Variants in SMIM41 observed in about 807,000 individuals in gnomAD.
The protein encoded by SMIM41 is small integral membrane protein 41.
At chr12:52,091,489 T>C (rs1940003525) in intron 2 of SMIM41, among the ~76,000 whole-genome samples, 1 of 152,252 alleles carries the variant, frequency 6.6e-6, no homozygotes, top group African/African-American at 2.4e-5. Flanking sequence ...AAGGTGGATG[T>C]GTCTGCTTCT....
chr12:52,091,552 C>T (rs997190502), intron 2 of SMIM41, among the ~76,000 whole-genome samples: 2 of 152,140 alleles, frequency 1.3e-5, no homozygotes, highest in Non-Finnish European at 2.9e-5. Context: ...CTTCCCTGCC[C>T]GAGCCATCTG....
chr12:52,106,632 G>A (rs1420320984), intron 2 of SMIM41, among the ~76,000 whole-genome samples: 3 of 152,162 alleles, frequency 2.0e-5, no homozygotes, highest in African/African-American at 4.8e-5. Flanking sequence ...GTGAGCCACC[G>A]CGTTTGGCCA....
chr12:52,091,292 C>T (rs768702974), intron 2 of SMIM41, among the ~76,000 whole-genome samples: 1 of 152,232 alleles, frequency 6.6e-6, no homozygotes, highest in Non-Finnish European at 1.5e-5. Flanking sequence ...TCAGCCTGAG[C>T]CTCTGCTCTT....
At chr12:52,095,433 G>A (rs1408892241) in intron 2 of SMIM41, among the ~76,000 whole-genome samples, 3 of 151,974 alleles carry the variant, frequency 2.0e-5, no homozygotes, top group South Asian at 2.1e-4. Flanking sequence ...TGTCTTCTCC[G>A]CCTCTGGAAA....
At chr12:52,100,992 T>C (rs940984620) in intron 2 of SMIM41, among the ~76,000 whole-genome samples, 12 of 152,172 alleles carry the variant, frequency 7.9e-5, no homozygotes, top group Non-Finnish European at 1.6e-4. Flanking sequence ...TAATGAAGTA[T>C]TATTCAGCCT....
chr12:52,093,222 C>A (rs1036592109), intron 2 of SMIM41, among the ~76,000 whole-genome samples: 5 of 152,102 alleles, frequency 3.3e-5, no homozygotes, highest in African/African-American at 1.2e-4. Context: ...AAACAAAAAA[C>A]CCCACACATT....
intron 2 of SMIM41, among the ~76,000 whole-genome samples, chr12:52,099,790 T>G (rs2120709199): frequency 6.7e-6 from 1 of 150,136 alleles, no homozygotes; most frequent in Admixed American, 6.9e-5. Flanking sequence ...TCTTTTTCCC[T>G]GGATACTATG....
chr12:52,096,511 CATTAAT>C (rs1393581316), intron 2 of SMIM41, among the ~76,000 whole-genome samples: 2 of 151,696 alleles, frequency 1.3e-5, no homozygotes, highest in Admixed American at 6.6e-5. Context: ...TTATTATTAA[CATTAAT>C]ATTAAGTACC....
chr12:52,098,926 CA>C (rs1252853735), intron 2 of SMIM41, among the ~76,000 whole-genome samples: 17 of 151,830 alleles, frequency 1.1e-4, no homozygotes, highest in Non-Finnish European at 2.2e-4. Context: ...TATTGAGAGT[CA>C]TATCATCCTC....
intron 2 of SMIM41, among the ~76,000 whole-genome samples, chr12:52,085,564 T>C (rs1939880904): frequency 6.6e-6 from 1 of 152,234 alleles, no homozygotes; most frequent in South Asian, 2.1e-4. Context: ...GGACATTGGC[T>C]TTAAGCCTCT....
At chr12:52,104,083 A>G (rs1400796452) in intron 2 of SMIM41, 1 of 152,056 alleles carries the variant, frequency 6.6e-6, no homozygotes, top group Non-Finnish European at 1.5e-5. Flanking sequence ...TATGTGGTAT[A>G]TTTTCCCATA....
intron 2 of SMIM41, among the ~76,000 whole-genome samples, chr12:52,095,367 C>T (rs575449088): frequency 9.2e-5 from 14 of 152,066 alleles, no homozygotes; most frequent in East Asian, 3.9e-4. Context: ...CCCTCTCCCC[C>T]GCTGGATATT....
chr12:52,101,918 G>A (rs981049984), intron 2 of SMIM41, among the ~76,000 whole-genome samples: 11 of 152,038 alleles, frequency 7.2e-5, no homozygotes, highest in African/African-American at 1.2e-4. Flanking sequence ...TTTCCCTGTC[G>A]GTCAGGCTGG....
intron 2 of SMIM41, among the ~76,000 whole-genome samples, chr12:52,093,027 A>G (rs1383422176): frequency 6.6e-6 from 1 of 152,078 alleles, no homozygotes; most frequent in Non-Finnish European, 1.5e-5. Context: ...TACAATACAA[A>G]AAAAATAAAG....
intron 2 of SMIM41, among the ~76,000 whole-genome samples, chr12:52,086,128 G>A (rs565323140): frequency 6.6e-6 from 1 of 152,324 alleles, no homozygotes; most frequent in Admixed American, 6.5e-5. Flanking sequence ...TCAGGGATGG[G>A]GGAGGGAGCC....
chr12:52,085,021 C>T lies in SMIM41; in HGVS notation c.*195+1053C>T, dbSNP rs565110481. Among the ~76,000 whole-genome samples the T allele has an allele frequency of 8.5e-5, 13 of 152,272 alleles. No homozygotes were observed. In the South Asian group the frequency reaches 2.1e-3, roughly 24 times the overall value. ...GAGGGGAGGACGATGTTCTGGTTTC[C>T]AGCCTGAATACTGTGTGTGCGGTGG... is the stretch of plus-strand genomic sequence containing the variant. On this transcript the variant is annotated intron_variant, in intron 2 of 2. Coordinates refer to ENST00000546390, the MANE Select transcript of SMIM41 (RefSeq NM_001369216.1).
intron 2 of SMIM41, among the ~76,000 whole-genome samples, chr12:52,100,731 C>G (rs558770639): frequency 3.3e-5 from 5 of 151,970 alleles, no homozygotes; most frequent in African/African-American, 4.8e-5. Context: ...CTTCGGCCCC[C>G]CAAAGTGCTG....
intron 2 of SMIM41, among the ~76,000 whole-genome samples, chr12:52,099,246 G>A (rs1307309659): frequency 6.6e-6 from 1 of 151,784 alleles, no homozygotes; most frequent in Non-Finnish European, 1.5e-5. Context: ...CCCCCTGGAT[G>A]TTAAAAACCA....
intron 2 of SMIM41, among the ~76,000 whole-genome samples, chr12:52,088,270 G>A (rs183399864): frequency 1.5e-3 from 225 of 152,302 alleles, no homozygotes; most frequent in African/African-American, 5.0e-3. Context: ...GGAGACTTTC[G>A]TGAAGGTGGC....
Sources: allele counts gnomAD v4.1 joint callset (sites outside exome capture counted in the v4.1 genomes callset), GRCh38; gene constraint gnomAD v4.1.1; transcripts MANE v1.5; gene names NCBI Gene and HGNC (gene_info 2026-07-23, HGNC 2026-07-21).